The following SLC4A5 variants were observed in gnomAD, a reference collection of about 807,000 sequenced individuals.
SLC4A5 encodes the protein electrogenic sodium bicarbonate cotransporter 4.
A neutral mutation model predicts 120.4 loss-of-function variants in SLC4A5; 96 were observed. The observed-to-expected ratio is 0.80, with a 90% confidence interval of 0.68 to 0.94. SLC4A5 has a LOEUF of 0.94. SLC4A5 is among the 40% of genes least tolerant of loss of function. SLC4A5 has a pLI of 0.00. For synonymous variants in SLC4A5, 550 were observed against 571.1 expected, an observed-to-expected ratio of 0.96 and a Z score of 0.53; for missense variants, 1,259 against 1,459.5, an observed-to-expected ratio of 0.86 and a Z score of 2.24.
intron 25 of SLC4A5, 68 bp from the exon 26 acceptor site, chr2:74,227,946 G>A: frequency 1.6e-6 from 2 of 1,229,486 alleles, no homozygotes; most frequent in Non-Finnish European, 2.3e-6. Context: ...TGTTCTGGAT[G>A]ACAGTGGCTC....
intron 5 of SLC4A5, among the ~76,000 whole-genome samples, chr2:74,316,174 C>T (rs60057067): frequency 0.038 from 5,824 of 151,618 alleles, 388 homozygotes; most frequent in African/African-American, 0.13. Context: ...TACTTCTCTA[C>T]AAAAACAATA....
intron 6 of SLC4A5, among the ~76,000 whole-genome samples, chr2:74,306,070 A>G (rs1302486575): frequency 6.6e-6 from 1 of 152,122 alleles, no homozygotes; most frequent in African/African-American, 2.4e-5. Flanking sequence ...CCTTTTCCAA[A>G]ATATCACAGA....
chr2:74,249,510 G>A (rs1293396583), intron 17 of SLC4A5, among the ~76,000 whole-genome samples: 1 of 152,194 alleles, frequency 6.6e-6, no homozygotes, highest in African/African-American at 2.4e-5. Flanking sequence ...CTGAGAAAGA[G>A]AATGCTGGGA....
intron 5 of SLC4A5, among the ~76,000 whole-genome samples, chr2:74,321,113 G>A (rs926171685): frequency 6.6e-6 from 1 of 152,124 alleles, no homozygotes; most frequent in African/African-American, 2.4e-5. Flanking sequence ...TGCCATGTTG[G>A]TTGTTAAATA....
At chr2:74,323,016 A>G (rs1673133867) in intron 5 of SLC4A5, among the ~76,000 whole-genome samples, 1 of 152,192 alleles carries the variant, frequency 6.6e-6, no homozygotes, top group African/African-American at 2.4e-5. Flanking sequence ...AGGCGGGTGG[A>G]TCACCTGAGG....
intron 26 of SLC4A5, 49 bp from the exon 27 acceptor site, chr2:74,227,179 G>A (rs377538184): frequency 1.2e-4 from 186 of 1,540,698 alleles, no homozygotes; most frequent in Non-Finnish European, 1.5e-4. Context: ...CCGAGGGCCC[G>A]CTGGGTCCTG....
chr2:74,280,122 T>C (rs1171186833), intron 8 of SLC4A5, among the ~76,000 whole-genome samples: 1 of 152,178 alleles, frequency 6.6e-6, no homozygotes, highest in Non-Finnish European at 1.5e-5. Context: ...TGGCATAGAA[T>C]CTGCATCATC....
chr2:74,227,909 T>A, intron 25 of SLC4A5, 31 bp from the exon 26 acceptor site: 1 of 1,561,832 alleles, frequency 6.4e-7, no homozygotes, highest in Non-Finnish European at 8.7e-7. Flanking sequence ...TGGATCGGCC[T>A]CTGCCTGGGG....
At chr2:74,303,105 G>GGT (rs1261616160) in intron 7 of SLC4A5, among the ~76,000 whole-genome samples, 3 of 150,100 alleles carry the variant, frequency 2.0e-5, no homozygotes, top group Admixed American at 6.7e-5. Flanking sequence ...CTGTGCATGT[G>GGT]GTGTGTGTGT....
intron 1 of SLC4A5, among the ~76,000 whole-genome samples, 198 bp downstream of exon 1, chr2:74,343,158 T>C (rs1673662609): frequency 6.6e-6 from 1 of 152,208 alleles, no homozygotes; most frequent in Admixed American, 6.5e-5. Context: ...TACTTATAGA[T>C]TAGTTTCAAC....
intron 3 of SLC4A5, among the ~76,000 whole-genome samples, chr2:74,337,856 A>T (rs1335920384): frequency 6.6e-6 from 1 of 152,140 alleles, no homozygotes; most frequent in Non-Finnish European, 1.5e-5. Context: ...TTGAGCAGTA[A>T]ATTATGTGGT....
intron 12 of SLC4A5, among the ~76,000 whole-genome samples, chr2:74,259,333 G>A (rs757418188): frequency 6.6e-6 from 1 of 152,090 alleles, no homozygotes; most frequent in Admixed American, 6.5e-5. Flanking sequence ...GACAGCTGGC[G>A]CCTCATTTAA....
exon 31 of SLC4A5, chr2:74,218,698 T>C (rs376519257): frequency 5.2e-5 from 8 of 152,678 alleles, no homozygotes; most frequent in African/African-American, 1.7e-4. Context: ...TCTGACTCCA[T>C]CTCTATCTTC....
intron 7 of SLC4A5, among the ~76,000 whole-genome samples, chr2:74,296,301 G>C (rs1290988362): frequency 6.6e-6 from 1 of 151,936 alleles, no homozygotes; most frequent in Non-Finnish European, 1.5e-5. Context: ...CCAGCCCCAG[G>C]GTTGGGGGGA....
rs200205784 is a variant in SLC4A5, at chr2:74,232,542, C to T, written c.2701G>A (p.Ala901Thr). 7.4e-6 allele frequency: 12 copies of T among 1,613,894 alleles called. No homozygotes were observed. In the East Asian group the frequency reaches 1.1e-4, roughly 15 times the overall value. The change falls in exon 24 of 31, where the codon GCC becomes ACC. Residue 901 changes from alanine (A) to threonine (T), a missense_variant. Ala to Thr is a moderately conservative substitution (Grantham distance 58). Coordinates refer to ENST00000394019, the Ensembl canonical transcript of SLC4A5. Reference sequence around the variant, plus strand: ...TCCATCTTGAGGCTGTCGATGTGGGCGATGGAGATGACCGTGGCAGCCACG... The same window carrying T: ...TCCATCTTGAGGCTGTCGATGTGGGTGATGGAGATGACCGTGGCAGCCACG...
intron 5 of SLC4A5, among the ~76,000 whole-genome samples, chr2:74,321,534 A>G (rs1236411618): frequency 6.6e-6 from 1 of 152,162 alleles, no homozygotes; most frequent in African/African-American, 2.4e-5. Context: ...TCTACTAAAA[A>G]TTATGTGTTG....
At chr2:74,267,024 TC>T (rs1429782443) in intron 8 of SLC4A5, among the ~76,000 whole-genome samples, 5 of 152,202 alleles carry the variant, frequency 3.3e-5, no homozygotes, top group African/African-American at 1.2e-4. Context: ...AAGTAAACAA[TC>T]CTGAGAAGAA....
chr2:74,283,259 T>C (rs918087934), intron 8 of SLC4A5, among the ~76,000 whole-genome samples: 12 of 152,218 alleles, frequency 7.9e-5, no homozygotes, highest in Admixed American at 5.2e-4. Flanking sequence ...CCTGGTGAGC[T>C]ACTTGCTCCC....
chr2:74,279,690 G>A (rs1452935924), intron 8 of SLC4A5, among the ~76,000 whole-genome samples: 3 of 152,102 alleles, frequency 2.0e-5, no homozygotes, highest in Non-Finnish European at 2.9e-5. Context: ...AATAGAACCT[G>A]TCCAAAATGG....
Sources: gnomAD v4.1 joint callset for allele counts (sites outside exome capture counted in the v4.1 genomes callset) on GRCh38, gnomAD v4.1.1 for gene constraint, MANE v1.5 for transcripts, NCBI Gene and HGNC (gene_info 2026-07-23, HGNC 2026-07-21) for gene names.